Variants in ITGAV observed in about 807,000 individuals in gnomAD.
The protein encoded by ITGAV is integrin alpha-V.
A neutral mutation model predicts 143.8 loss-of-function variants in ITGAV; 76 were observed. That is an observed-to-expected ratio of 0.53 (90% CI 0.44 to 0.64). The LOEUF (loss-of-function observed/expected upper bound fraction) is 0.64, where lower values mean the gene tolerates loss of function less well. Among genes scored for constraint, ITGAV ranks in the 30% least tolerant of loss-of-function variants. The pLI is 0.00. For missense variants in ITGAV, 1,193 were observed against 1,274.7 expected, an observed-to-expected ratio of 0.94 and a Z score of 0.98; for synonymous variants, 453 against 446.7, an observed-to-expected ratio of 1.01 and a Z score of -0.18.
Position 186,646,675 on chromosome 2 carries a change from T to C in ITGAV, c.1160-11T>C, listed in dbSNP as rs1280769274. The C allele has an allele frequency of 6.4e-7, 1 of 1,556,046 alleles. No individual in the cohort carries two copies. The highest frequency in any genetic ancestry group is 8.8e-7 in the Non-Finnish European group (1 of 1,141,208). On this transcript the variant is annotated splice_polypyrimidine_tract_variant and intron_variant, in intron 12 of 29. Coordinates refer to ENST00000261023, the MANE Select transcript of ITGAV (RefSeq NM_002210.5). ...TCATTCTCCTTCCCCCTCCTCTTTT[T>C]TTCCCCACAGATATTGCAATTGCTG...
chr2:186,654,108 G>A (rs998478995), intron 15 of ITGAV, among the ~76,000 whole-genome samples: 6 of 152,086 alleles, frequency 3.9e-5, no homozygotes, highest in African/African-American at 7.2e-5. Context: ...CAAGGCGGGC[G>A]AATCACCAGA....
In ITGAV at chr2:186,638,421, G is replaced by A. The variant is rs781325608; in HGVS notation, c.859G>A (p.Asp287Asn). The A allele has an allele frequency of 1.9e-6, 3 of 1,611,796 alleles. No homozygotes were observed. In the South Asian group the frequency reaches 3.3e-5, roughly 18 times the overall value. ...ARTLGMVYIY[D>N]GKNMSSLYNF... ...TTTTCCTTCACAGGTTTATATTTAT[G>A]ATGGGAAGAACATGTCCTCCTTATA... Residue 287 changes from aspartate (D) to asparagine (N), a missense_variant, in exon 10 of 30, where the codon GAT (aspartate) becomes AAT (asparagine). Physicochemically the swap from Asp to Asn is conservative, Grantham distance 23. Coordinates refer to ENST00000261023, the MANE Select transcript of ITGAV (RefSeq NM_002210.5).
At chr2:186,659,638 A>T (rs1261674964) in intron 18 of ITGAV, among the ~76,000 whole-genome samples, 2 of 151,910 alleles carry the variant, frequency 1.3e-5, no homozygotes, top group Non-Finnish European at 2.9e-5. Context: ...TGTGTAATGT[A>T]TTTAAATATT....
chr2:186,633,025 A>G (rs1228399264), intron 5 of ITGAV, among the ~76,000 whole-genome samples: 1 of 151,716 alleles, frequency 6.6e-6, no homozygotes, highest in Non-Finnish European at 1.5e-5. Context: ...AGATACATAG[A>G]CAGACAGACA....
intron 10 of ITGAV, among the ~76,000 whole-genome samples, chr2:186,638,673 G>GTGTGTGT (rs1553502387): frequency 3.9e-4 from 39 of 99,012 alleles, no homozygotes; most frequent in Non-Finnish European, 5.3e-4. Flanking sequence ...TGTGTGTGTA[G>GTGTGTGT]TATATAAACA....
chr2:186,622,301 A>T (rs368424907), intron 2 of ITGAV, 38 bp from the exon 3 acceptor site: 1 of 1,340,858 alleles, frequency 7.5e-7, no homozygotes, highest in Admixed American at 1.7e-5. Context: ...TAAGAATAGT[A>T]TATTTTGTGT....
chr2:186,606,190 C>G (rs1459115287), intron 2 of ITGAV, among the ~76,000 whole-genome samples: 5 of 152,194 alleles, frequency 3.3e-5, no homozygotes, highest in African/African-American at 1.2e-4. Context: ...ACTCTTCATC[C>G]CATCTTAGCC....
chr2:186,673,240 T>G (rs966865946), intron 26 of ITGAV, among the ~76,000 whole-genome samples: 5 of 152,250 alleles, frequency 3.3e-5, no homozygotes, highest in Non-Finnish European at 5.9e-5. Context: ...ATATATGGAT[T>G]TATTTCTAGA....
At chr2:186,659,270 G>C in intron 18 of ITGAV, 95 bp downstream of exon 18, 1 of 823,352 alleles carries the variant, frequency 1.2e-6, no homozygotes, top group Non-Finnish European at 1.7e-6. Context: ...TTATCATATT[G>C]ATAGATGTTT....
chr2:186,592,725 G>C, intron 1 of ITGAV, among the ~76,000 whole-genome samples: 1 of 152,100 alleles, frequency 6.6e-6, no homozygotes, highest in East Asian at 1.9e-4. Flanking sequence ...TTCACTCATA[G>C]ACCTTTAATG....
intron 13 of ITGAV, among the ~76,000 whole-genome samples, 156 bp downstream of exon 13, chr2:186,647,033 C>T (rs1288390560): frequency 1.3e-5 from 2 of 152,148 alleles, no homozygotes; most frequent in Admixed American, 6.5e-5. Context: ...TTCCCGTCAC[C>T]TAAGGGTATA....
At chr2:186,604,068 G>T (rs1418872617) in intron 2 of ITGAV, among the ~76,000 whole-genome samples, 1 of 151,294 alleles carries the variant, frequency 6.6e-6, no homozygotes, top group African/African-American at 2.4e-5. Context: ...ATGGGGTTTT[G>T]CCATATTGCC....
chr2:186,624,506 G>A (rs1052069947), intron 3 of ITGAV, among the ~76,000 whole-genome samples: 4 of 152,146 alleles, frequency 2.6e-5, no homozygotes, highest in East Asian at 3.9e-4. Context: ...CGTCAAGTAC[G>A]TGTAGAGAAG....
chr2:186,656,119 A>T (rs542697794), intron 16 of ITGAV, 128 bp from the exon 17 acceptor site: 1 of 573,048 alleles, frequency 1.7e-6, no homozygotes, highest in African/African-American at 2.0e-5. Flanking sequence ...ATGTAATGAC[A>T]TTTTAAATTA....
intron 26 of ITGAV, chr2:186,670,030 T>G (rs1689020954): frequency 2.0e-6 from 1 of 491,182 alleles, no homozygotes; most frequent in South Asian, 2.3e-5. Flanking sequence ...TAAAACTAGT[T>G]TATGTCCCAA....
intron 2 of ITGAV, among the ~76,000 whole-genome samples, chr2:186,612,065 A>G (rs1389331110): frequency 5.9e-5 from 9 of 152,240 alleles, no homozygotes; most frequent in Admixed American, 5.9e-4. Context: ...GTAGGGAACT[A>G]AATAAATACG....
chr2:186,668,681 A>T, intron 24 of ITGAV, 81 bp from the exon 25 acceptor site: 1 of 1,250,632 alleles, frequency 8.0e-7, no homozygotes, highest in Non-Finnish European at 1.1e-6. Flanking sequence ...TGCTAACATG[A>T]TTTCTAAAGT....
intron 14 of ITGAV, among the ~76,000 whole-genome samples, chr2:186,650,825 C>T (rs1387429225): frequency 6.6e-6 from 1 of 152,140 alleles, no homozygotes; most frequent in Admixed American, 6.5e-5. Flanking sequence ...GCTGGGATTA[C>T]AGGTGTGAGC....
At chr2:186,654,754 C>T (rs200193983) in intron 16 of ITGAV, 46 bp downstream of exon 16, 9 of 755,036 alleles carry the variant, frequency 1.2e-5, no homozygotes, top group Non-Finnish European at 2.1e-5. Flanking sequence ...ATACTGCATA[C>T]ACAGCACTTA....
Sources: allele counts gnomAD v4.1 joint callset (sites outside exome capture counted in the v4.1 genomes callset), GRCh38; gene constraint gnomAD v4.1.1; transcripts MANE v1.5; gene names NCBI Gene and HGNC (gene_info 2026-07-23, HGNC 2026-07-21).